The following ZNF85 variants were observed in gnomAD, a reference collection of about 807,000 sequenced individuals.
The protein encoded by ZNF85 is zinc finger protein 85.
ZNF85 carries 50 observed loss-of-function variants against 53.9 expected under a neutral mutation model. The ratio of observed to expected loss-of-function variants is 0.93; its 90% CI spans 0.74 to 1.17. ZNF85 has a LOEUF of 1.17. Among genes scored for constraint, ZNF85 ranks in the 50% most tolerant of loss-of-function variants. The pLI is 0.00. For synonymous variants in ZNF85, 225 were observed against 226.1 expected, an observed-to-expected ratio of 1.00 and a Z score of 0.04; for missense variants, 747 against 688.5, an observed-to-expected ratio of 1.08 and a Z score of -0.95.
intron 3 of ZNF85, chr19:20,943,798 A>G (rs1344084740): frequency 1.3e-5 from 2 of 152,182 alleles, no homozygotes; most frequent in Non-Finnish European, 2.9e-5. Flanking sequence ...ATACACATAA[A>G]TAAATAGGCA....
chr19:20,938,765 T>A (rs985556184), intron 3 of ZNF85, among the ~76,000 whole-genome samples: 3 of 152,298 alleles, frequency 2.0e-5, no homozygotes, highest in African/African-American at 7.2e-5. Context: ...TTCACCCACT[T>A]TCTTCAGCCT....
chr19:20,943,067 C>G (rs1973336708), intron 3 of ZNF85: 1 of 422,912 alleles, frequency 2.4e-6, no homozygotes, highest in South Asian at 7.9e-5. Flanking sequence ...TGAGCCTGTT[C>G]ACCCAGCCAG....
At chr19:20,926,983 G>A (rs1296013111) in intron 1 of ZNF85, 1 of 152,044 alleles carries the variant, frequency 6.6e-6, no homozygotes, top group African/African-American at 2.4e-5. Flanking sequence ...GAAAAAAGGT[G>A]GGAGGGGAGT....
rs61734279 is a variant in ZNF85 at position 20,948,930 on chromosome 19, C to G, written c.416C>G (p.Thr139Arg). Residue 139 changes from threonine to arginine, a missense_variant, in exon 4 of 4, where the codon ACA (threonine) becomes AGA (arginine). Transcript: ENST00000328178. ...TGTAATGGACTTAACCAATGTCTCACAGCTACCCAGAGCAAAATATTTCAA... is the reference window on the plus strand; with the variant it reads ...TGTAATGGACTTAACCAATGTCTCAGAGCTACCCAGAGCAAAATATTTCAA... ...GGCNGLNQCL[T>R]ATQSKIFQCD... The G allele has an allele frequency of 6.2e-7, 1 of 1,613,692 alleles. No homozygotes were observed.
At chr19:20,936,793 T>C (rs927818929) in intron 3 of ZNF85, 1 of 153,578 alleles carries the variant, frequency 6.5e-6, no homozygotes, top group African/African-American at 2.4e-5. Context: ...AGTACATTGA[T>C]TTCTTTATCA....
intron 1 of ZNF85, among the ~76,000 whole-genome samples, chr19:20,932,504 G>A (rs1316094000): frequency 1.3e-5 from 2 of 152,032 alleles, no homozygotes; most frequent in African/African-American, 4.8e-5. Flanking sequence ...TCCCTTTGTG[G>A]CTCTTGAACA....
chr19:20,932,613 A>G (rs1404954058), intron 1 of ZNF85, among the ~76,000 whole-genome samples: 1 of 152,128 alleles, frequency 6.6e-6, no homozygotes, highest in Non-Finnish European at 1.5e-5. Context: ...TGTATTCTCC[A>G]TTACCTCTGT....
At chr19:20,928,988 A>G (rs1165448311) in intron 1 of ZNF85, among the ~76,000 whole-genome samples, 1 of 152,144 alleles carries the variant, frequency 6.6e-6, no homozygotes, top group African/African-American at 2.4e-5. Flanking sequence ...GGTACTAAGC[A>G]TAGCACCAAA....
chr19:20,938,988 CAA>C (rs985722762), intron 3 of ZNF85, among the ~76,000 whole-genome samples: 1 of 151,840 alleles, frequency 6.6e-6, no homozygotes, highest in African/African-American at 2.4e-5. Context: ...ATATTTAAAA[CAA>C]AATTTATCTC....
In ZNF85 at chr19:20,949,822, C is replaced by A; in HGVS notation, c.1308C>A (p.Asn436Lys). 6.2e-7 allele frequency: 1 copy of A among 1,611,768 alleles called. No individual in the cohort carries two copies. The highest frequency in any genetic ancestry group is 8.5e-7 in the Non-Finnish European group (1 of 1,178,998). Residue 436 changes from asparagine to lysine, a missense_variant, in exon 4 of 4, where the codon AAC becomes AAA. Asn to Lys is a moderately conservative substitution (Grantham distance 94). Transcript: ENST00000328178. Reference protein sequence around the residue: ...YKCKECEKAFNQSSKLTEHKK... With the variant: ...YKCKECEKAFKQSSKLTEHKK... ...GTAAAGAATGTGAAAAAGCTTTTAA[C>A]CAATCCTCAAAACTTACTGAACATA...
intron 3 of ZNF85, among the ~76,000 whole-genome samples, chr19:20,940,871 AT>A: frequency 6.6e-6 from 1 of 152,304 alleles, no homozygotes; most frequent in East Asian, 1.9e-4. Flanking sequence ...TTATATGTAT[AT>A]GTTACATTTT....
At chr19:20,933,956 TATGTGTGTG>T (rs1973088743) in intron 1 of ZNF85, 59 bp from the exon 2 acceptor site, 1 of 1,305,270 alleles carries the variant, frequency 7.7e-7, no homozygotes, top group African/African-American at 1.8e-5. Context: ...AGTTGGTAAT[TATGTGTGTG>T]TGTGTGTGTG....
rs73532415 is a variant in ZNF85, at chr19:20,946,319, G to A, written c.230-2425G>A. 5.8e-3 allele frequency: 2,431 copies of A among 421,782 alleles called. 49 individuals carry two copies. Among genetic ancestry groups the A allele is most frequent in the African/African-American group, 0.045 (2,194 of 48,458 alleles). The allele number at this position is 421,782 out of a possible 1,614,324, so 26.1% of individuals were successfully genotyped here. On this transcript the variant is annotated intron_variant, in intron 3 of 3. Transcript: ENST00000328178. ...TAACAGGTTGTCTATCAAAAAGAAT[G>A]TCGTATGAGCTATTGAGAAAGGTGT...
At chr19:20,936,169 G>A (rs112036901) in intron 3 of ZNF85, among the ~76,000 whole-genome samples, 1,812 of 133,372 alleles carry the variant, frequency 0.014, 33 homozygotes, top group African/African-American at 0.04. Flanking sequence ...TAATTTACTG[G>A]GTGTATTTAT....
chr19:20,947,613 T>C (rs1973455184), intron 3 of ZNF85, among the ~76,000 whole-genome samples: 1 of 149,944 alleles, frequency 6.7e-6, no homozygotes, highest in Non-Finnish European at 1.5e-5. Flanking sequence ...ACTATGCTTA[T>C]AAATGACACA....
At chr19:20,932,325 C>T (rs1003672948) in intron 1 of ZNF85, among the ~76,000 whole-genome samples, 1 of 152,132 alleles carries the variant, frequency 6.6e-6, no homozygotes, top group African/African-American at 2.4e-5. Flanking sequence ...TGTATTACCC[C>T]TCCCTAAAGA....
intron 1 of ZNF85, among the ~76,000 whole-genome samples, chr19:20,930,292 A>G (rs76358567): frequency 6.6e-6 from 1 of 152,320 alleles, no homozygotes; most frequent in African/African-American, 2.4e-5. Flanking sequence ...GAGTGCTTGC[A>G]GAAACATTCT....
At position 20,950,413 on chromosome 19, in the gene ZNF85, C is replaced by G; in HGVS notation, c.*111C>G. 1.3e-6 allele frequency: 1 copy of G among 742,096 alleles called. No individual in the cohort carries two copies. The highest frequency in any genetic ancestry group is 2.1e-6 in the Non-Finnish European group (1 of 483,984). 46.0% of individuals were successfully genotyped at this position (742,096 alleles called of 1,614,324 possible). ...TGTGACAATAATTTTGACAACACCTCAGACTTATAAAAGTAATCATACTGG... is the reference window on the plus strand; with the variant it reads ...TGTGACAATAATTTTGACAACACCTGAGACTTATAAAAGTAATCATACTGG... On this transcript the variant is annotated 3_prime_UTR_variant, in exon 4 of 4. Transcript: ENST00000328178.
intron 3 of ZNF85, among the ~76,000 whole-genome samples, chr19:20,939,393 T>C (rs1202972249): frequency 6.6e-6 from 1 of 152,038 alleles, no homozygotes; most frequent in Non-Finnish European, 1.5e-5. Flanking sequence ...TAGCTGGGAC[T>C]ACAGGCACAC....
Sources: allele counts gnomAD v4.1 joint callset (sites outside exome capture counted in the v4.1 genomes callset), GRCh38; gene constraint gnomAD v4.1.1; transcripts MANE v1.5; gene names NCBI Gene and HGNC (gene_info 2026-07-23, HGNC 2026-07-21).